Variants in ZPLD1 observed in about 807,000 individuals in gnomAD.
The protein encoded by ZPLD1 is zona pellucida like domain containing 1, also known as zona pellucida-like domain-containing protein 1.
A neutral mutation model predicts 47.2 loss-of-function variants in ZPLD1; 34 were observed. The observed-to-expected ratio is 0.72, with a 90% CI of 0.55 to 0.96. The LOEUF (loss-of-function observed/expected upper bound fraction) is 0.96. Among genes scored for constraint, ZPLD1 ranks in the 40% least tolerant of loss-of-function variants. The pLI is 0.00. For synonymous variants in ZPLD1, 176 were observed against 186.2 expected (o/e 0.95, Z 0.45); for missense variants, 512 against 505.8 (o/e 1.01, Z -0.12).
Position 102,457,873 on chromosome 3 carries a change from A to G in ZPLD1, c.582+20A>G. 6.2e-7 allele frequency: 1 copy of G among 1,612,510 alleles called. No individual in the cohort carries two copies. Among genetic ancestry groups the G allele is most frequent in the Non-Finnish European group, 8.5e-7 (1 of 1,178,864 alleles). On this transcript the variant is annotated intron_variant, in intron 6 of 11. Coordinates refer to ENST00000466937, the MANE Select transcript of ZPLD1 (RefSeq NM_001329788.2). ...TATAACGTAAGTTGATGGGTGAAGG[A>G]TGTTATTTTCTCTTTCACTGTTGTG...
exon 8 of ZPLD1, chr3:102,418,095 GC>G (rs1445423839): frequency 6.6e-6 from 1 of 151,956 alleles, no homozygotes; most frequent in Non-Finnish European, 1.5e-5. Context: ...CTCATTTGAA[GC>G]CTTGACTCTT....
At chr3:102,463,037 C>T (rs761859330) in intron 7 of ZPLD1, among the ~76,000 whole-genome samples, 3 of 152,182 alleles carry the variant, frequency 2.0e-5, no homozygotes, top group Non-Finnish European at 4.4e-5. Flanking sequence ...CTTCTCCCTT[C>T]CTGTCCTGAA....
chr3:102,420,649 C>A (rs1013275765), intron 8 of ZPLD1, among the ~76,000 whole-genome samples: 1 of 151,598 alleles, frequency 6.6e-6, no homozygotes, highest in Non-Finnish European at 1.5e-5. Flanking sequence ...ATTTTTAGCA[C>A]GTGGACCATA....
intron 7 of ZPLD1, among the ~76,000 whole-genome samples, chr3:102,410,052 T>G (rs1459423745): frequency 6.6e-6 from 1 of 151,866 alleles, no homozygotes; most frequent in African/African-American, 2.4e-5. Context: ...CTGATCATAT[T>G]CATAAAAGTA....
chr3:102,393,824 A>G (rs1706528537), intron 7 of ZPLD1, among the ~76,000 whole-genome samples: 1 of 152,154 alleles, frequency 6.6e-6, no homozygotes, highest in Non-Finnish European at 1.5e-5. Flanking sequence ...CACAATTAGA[A>G]TACATTTGAG....
chr3:102,462,724 A>G (rs1707528157), intron 7 of ZPLD1, among the ~76,000 whole-genome samples: 1 of 152,106 alleles, frequency 6.6e-6, no homozygotes, highest in Admixed American at 6.6e-5. Flanking sequence ...TTGCTTTTCC[A>G]TATGTATGTT....
At chr3:102,387,831 C>T (rs1449478213) in intron 6 of ZPLD1, among the ~76,000 whole-genome samples, 1 of 149,020 alleles carries the variant, frequency 6.7e-6, no homozygotes, top group East Asian at 1.9e-4. Flanking sequence ...AGATTCATGT[C>T]CTTCAGTTCT....
intron 8 of ZPLD1, among the ~76,000 whole-genome samples, chr3:102,422,249 G>A (rs1239997877): frequency 6.6e-6 from 1 of 151,966 alleles, no homozygotes; most frequent in Non-Finnish European, 1.5e-5. Context: ...AGGTTTACTA[G>A]GAAAGAACAA....
intron 10 of ZPLD1, among the ~76,000 whole-genome samples, chr3:102,472,992 G>C (rs926163176): frequency 6.6e-6 from 1 of 152,164 alleles, no homozygotes; most frequent in African/African-American, 2.4e-5. Flanking sequence ...GAAGGCAAAG[G>C]AAGAGCAAAG....
At chr3:102,391,199 G>C (rs1706491085) in intron 6 of ZPLD1, among the ~76,000 whole-genome samples, 3 of 152,140 alleles carry the variant, frequency 2.0e-5, no homozygotes, top group Admixed American at 1.3e-4. Context: ...CACACTTGCA[G>C]AAAGTTTTAT....
chr3:102,452,113 CCGTGTGTGTGTGTG>C (rs971725812), intron 3 of ZPLD1, among the ~76,000 whole-genome samples: 8 of 94,852 alleles, frequency 8.4e-5, no homozygotes, highest in Non-Finnish European at 1.4e-4. Flanking sequence ...GATATGAAGA[CCGTGTGTGTGTGTG>C]TGTGTGTGTG....
chr3:102,455,259 C>T (rs1479872187), intron 4 of ZPLD1, among the ~76,000 whole-genome samples: 2 of 152,134 alleles, frequency 1.3e-5, no homozygotes. Flanking sequence ...TTGTATTTGA[C>T]AAGGTCGAAG....
intron 5 of ZPLD1, among the ~76,000 whole-genome samples, chr3:102,456,879 G>C (rs1343290342): frequency 6.6e-6 from 1 of 152,194 alleles, no homozygotes; most frequent in Admixed American, 6.5e-5. Flanking sequence ...CACCTGGAAG[G>C]GTGCTCATGA....
chr3:102,460,579 A>G (rs1350449842), intron 6 of ZPLD1, among the ~76,000 whole-genome samples: 1 of 151,886 alleles, frequency 6.6e-6, no homozygotes, highest in Admixed American at 6.5e-5. Context: ...GTCAGCAAAT[A>G]TTAAATAAGG....
rs967247484 is a variant in ZPLD1, at chr3:102,462,316, T to A, written c.618T>A (p.Ser206Arg). 4 of 1,611,572 alleles carry A rather than the reference T, an allele frequency of 2.5e-6. No individual in the cohort carries two copies. In the African/African-American group the frequency reaches 4.0e-5, roughly 16 times the overall value. The change falls in exon 7 of 12, where the codon AGT becomes AGA. Residue 206 changes from serine (S) to arginine (R), a missense_variant. Physicochemically the swap from Ser to Arg is moderately radical, Grantham distance 110. Coordinates refer to ENST00000466937, the MANE Select transcript of ZPLD1 (RefSeq NM_001329788.2). ...STYNQQLIIP[S>R]IGLPLKTKVF... is the part of the protein sequence containing the mutation. ...ACAACCAGCAGTTAATTATCCCCAGTATAGGATTACCTTTGAAAACCAAAG... is the reference window on the plus strand; with the variant it reads ...ACAACCAGCAGTTAATTATCCCCAGAATAGGATTACCTTTGAAAACCAAAG...
At chr3:102,455,199 A>T (rs1707393795) in intron 4 of ZPLD1, among the ~76,000 whole-genome samples, 2 of 152,238 alleles carry the variant, frequency 1.3e-5, no homozygotes, top group South Asian at 4.1e-4. Context: ...AAATTATCAC[A>T]GGTCTTAGTA....
intron 8 of ZPLD1, among the ~76,000 whole-genome samples, chr3:102,428,318 C>G (rs1309724969): frequency 6.6e-6 from 1 of 152,076 alleles, no homozygotes; most frequent in Non-Finnish European, 1.5e-5. Context: ...GCTTCTGAAG[C>G]AAAGCAACCA....
intron 8 of ZPLD1, among the ~76,000 whole-genome samples, chr3:102,421,138 A>AT: frequency 6.6e-6 from 1 of 151,994 alleles, no homozygotes; most frequent in South Asian, 2.1e-4. Context: ...AAGACCGCTT[A>AT]TTGTCATCTA....
chr3:102,447,000 AC>A (rs1346600860), intron 3 of ZPLD1, among the ~76,000 whole-genome samples: 59 of 152,164 alleles, frequency 3.9e-4, no homozygotes, highest in Non-Finnish European at 8.8e-5. Context: ...AATAAGTAAA[AC>A]CAATTGCCTC....
Sources: gnomAD v4.1 joint callset for allele counts (sites outside exome capture counted in the v4.1 genomes callset) on GRCh38, gnomAD v4.1.1 for gene constraint, MANE v1.5 for transcripts, NCBI Gene and HGNC (gene_info 2026-07-23, HGNC 2026-07-21) for gene names.